EIF5B: variants seen among roughly 807,000 people sequenced by gnomAD.
EIF5B encodes the protein eIF-5B.
In EIF5B, 47 loss-of-function variants were observed where a neutral mutation model predicts 147.5. The observed-to-expected ratio is 0.32, with a 90% confidence interval of 0.25 to 0.41. The LOEUF (loss-of-function observed/expected upper bound fraction) is 0.41. EIF5B is among the 10% of genes least tolerant of loss of function. The pLI is 1.00. For missense variants in EIF5B, 1,064 were observed against 1,413.2 expected, an observed-to-expected ratio of 0.75 and a Z score of 3.96; for synonymous variants, 455 against 456.2, an observed-to-expected ratio of 1.00 and a Z score of 0.03.
chr2:99,353,005 CTTTTTTTTTT>C (rs529053292), intron 1 of EIF5B, among the ~76,000 whole-genome samples: 38 of 62,860 alleles, frequency 6.0e-4, no homozygotes, highest in Non-Finnish European at 9.3e-4. Flanking sequence ...TCTTCTTCTT[CTTTTTTTTTT>C]TTTTTTTTTT....
rs187462448 is a variant in EIF5B at position 99,372,708 on chromosome 2, A to T, written c.1552+978A>T. ...TTTGTTACTTCATTGTGATCAGAGAAGATACATGATTCTATCCTTTGAAAT... is the reference window on the plus strand; with the variant it reads ...TTTGTTACTTCATTGTGATCAGAGATGATACATGATTCTATCCTTTGAAAT... On this transcript the variant is annotated intron_variant, in intron 9 of 23. Coordinates refer to ENST00000289371, the MANE Select transcript of EIF5B (RefSeq NM_015904.4). 7.5e-3 allele frequency among the ~76,000 whole-genome samples: 1,149 copies of T among 152,330 alleles called. 42 individuals are homozygous for T. The highest frequency in any genetic ancestry group is 0.067 in the Admixed American group (1,022 of 15,292).
At chr2:99,386,468 CGTGTGTGT>C (rs61494312) in intron 14 of EIF5B, among the ~76,000 whole-genome samples, 4,727 of 142,430 alleles carry the variant, frequency 0.033, 94 homozygotes, top group African/African-American at 0.053. Flanking sequence ...TTTTGTTTTG[CGTGTGTGT>C]GTGTGTGTGT....
chr2:99,351,397 G>T (rs1321926927), intron 1 of EIF5B, among the ~76,000 whole-genome samples: 2 of 152,150 alleles, frequency 1.3e-5, no homozygotes, highest in African/African-American at 4.8e-5. Flanking sequence ...TCCTGATTTC[G>T]AGTAAAGCTG....
At chr2:99,387,342 TTA>T (rs1309778224) in intron 14 of EIF5B, among the ~76,000 whole-genome samples, 6 of 152,224 alleles carry the variant, frequency 3.9e-5, no homozygotes, top group African/African-American at 1.2e-4. Flanking sequence ...GATCTTTTTT[TTA>T]TATAGTGTGA....
chr2:99,354,337 G>C (rs11683651), intron 1 of EIF5B, among the ~76,000 whole-genome samples: 57,973 of 152,064 alleles, frequency 0.38, 11,865 homozygotes, highest in East Asian at 0.63. Context: ...TATATCTTCA[G>C]TGGAATGTCT....
chr2:99,390,193 G>C lies in EIF5B; in HGVS notation c.2404-26G>C, dbSNP rs767916033. ...CCAGATACGTTTTCTTTACAGCCTG[G>C]CATTTTGGATGATTTTTGCTCCTAG... is the stretch of plus-strand genomic sequence containing the variant. On this transcript the variant is annotated intron_variant, in intron 15 of 23. Coordinates refer to ENST00000289371, the MANE Select transcript of EIF5B (RefSeq NM_015904.4). The C allele has an allele frequency of 2.1e-5, 34 of 1,612,716 alleles. No individual in the cohort carries two copies. The Admixed American group carries it at 5.7e-4, about 27-fold the overall frequency.
At chr2:99,370,161 C>T (rs1674414755) in intron 8 of EIF5B, among the ~76,000 whole-genome samples, 1 of 151,990 alleles carries the variant, frequency 6.6e-6, no homozygotes, top group Non-Finnish European at 1.5e-5. Context: ...TTTAGACCTT[C>T]CTAAAGGTCG....
intron 12 of EIF5B, among the ~76,000 whole-genome samples, chr2:99,381,720 A>G (rs1483999151): frequency 3.3e-5 from 5 of 152,152 alleles, no homozygotes; most frequent in Non-Finnish European, 5.9e-5. Flanking sequence ...CTTTTGATCA[A>G]TGTGGTAAAT....
At chr2:99,367,443 T>C (rs1225121395) in intron 6 of EIF5B, among the ~76,000 whole-genome samples, 4 of 151,132 alleles carry the variant, frequency 2.6e-5, no homozygotes, top group African/African-American at 9.7e-5. Context: ...TTTTTTTTTT[T>C]TCTCTCTTTT....
chr2:99,398,162 C>T (rs1675099252), intron 22 of EIF5B: 1 of 152,218 alleles, frequency 6.6e-6, no homozygotes, highest in African/African-American at 2.4e-5. Flanking sequence ...TCTACCATTT[C>T]AGTGGACTAA....
chr2:99,353,809 A>G (rs1289322932), intron 1 of EIF5B, among the ~76,000 whole-genome samples: 1 of 152,042 alleles, frequency 6.6e-6, no homozygotes, highest in Admixed American at 6.6e-5. Context: ...GCTTCTTTCT[A>G]CTCAGCCTAA....
intron 1 of EIF5B, chr2:99,340,536 C>T (rs1333225094): frequency 6.6e-6 from 1 of 152,212 alleles, no homozygotes; most frequent in Non-Finnish European, 1.5e-5. Context: ...AGCCACTTTT[C>T]AGTTCTTGGA....
intron 17 of EIF5B, among the ~76,000 whole-genome samples, chr2:99,392,320 G>A (rs1000374217): frequency 1.3e-5 from 2 of 152,026 alleles, no homozygotes; most frequent in African/African-American, 2.4e-5. Flanking sequence ...GCCTCCCTAA[G>A]TGAGCCACCG....
chr2:99,344,361 T>C (rs2094267910), intron 1 of EIF5B, among the ~76,000 whole-genome samples: 1 of 152,226 alleles, frequency 6.6e-6, no homozygotes, highest in Non-Finnish European at 1.5e-5. Flanking sequence ...CTTTAAGTTT[T>C]ATTTCTTTGG....
intron 3 of EIF5B, 76 bp from the exon 4 acceptor site, chr2:99,361,072 G>T: frequency 8.2e-7 from 1 of 1,225,942 alleles, no homozygotes; most frequent in African/African-American, 1.6e-5. Context: ...TTTAAAAAAT[G>T]TTTACTTAAT....
At chr2:99,374,288 TAAAAAAAA>T (rs33936603) in intron 9 of EIF5B, among the ~76,000 whole-genome samples, 1 of 108,734 alleles carries the variant, frequency 9.2e-6, no homozygotes, top group African/African-American at 3.5e-5. Context: ...GACTCTTACC[TAAAAAAAA>T]AAAAAAAAAA....
Position 99,390,760 on chromosome 2 carries a change from T to C in EIF5B, c.2748+55T>C, listed in dbSNP as rs1017677278. ...GGGGACTTGTACAGTGTTTAGAAGT[T>C]CTGCTGAGATGGTTTCCTCACTTTG... On this transcript the variant is annotated intron_variant, in intron 17 of 23. Transcript: ENST00000289371. 2.6e-6 allele frequency: 4 copies of C among 1,517,542 alleles called. No individual in the cohort carries two copies. The African/African-American group carries it at 4.1e-5, about 16-fold the overall frequency. 94.0% of individuals were successfully genotyped at this position (1,517,542 alleles called of 1,614,324 possible).
intron 4 of EIF5B, among the ~76,000 whole-genome samples, chr2:99,362,549 A>G (rs900086910): frequency 1.1e-4 from 17 of 151,810 alleles, no homozygotes; most frequent in Admixed American, 8.5e-4. Context: ...AAATACAATA[A>G]TTAGCCGGGC....
rs1396130913 is a variant in EIF5B at position 99,393,686 on chromosome 2, G to T, written c.2881-581G>T. On this transcript the variant is annotated intron_variant, in intron 18 of 23. Coordinates refer to ENST00000289371, the MANE Select transcript of EIF5B (RefSeq NM_015904.4). ...AGGCAGCATCAAGTCATGCTGTTGG[G>T]AATAAGCTATCTTAGGGCCAGTGAG... Among the ~76,000 whole-genome samples the T allele has an allele frequency of 2.6e-5, 4 of 152,204 alleles. No individual in the cohort carries two copies. In the East Asian group the frequency reaches 7.7e-4, roughly 29 times the overall value.
Sources: allele counts gnomAD v4.1 joint callset (sites outside exome capture counted in the v4.1 genomes callset), GRCh38; gene constraint gnomAD v4.1.1; transcripts MANE v1.5; gene names NCBI Gene and HGNC (gene_info 2026-07-23, HGNC 2026-07-21).